Variants in TAPT1 observed in about 807,000 individuals in gnomAD.
TAPT1 encodes the protein transmembrane anterior posterior transformation 1, also known as transmembrane anterior posterior transformation protein 1 homolog.
Under a neutral mutation model 65.6 loss-of-function variants are expected in TAPT1, and 28 were observed. That is an observed-to-expected ratio of 0.43 (90% CI 0.32 to 0.59). TAPT1 has a LOEUF of 0.59. Among genes scored for constraint, TAPT1 ranks in the 20% least tolerant of loss-of-function variants. The pLI is 0.09. For missense variants in TAPT1, 563 were observed against 679.9 expected (o/e 0.83, Z 1.91); for synonymous variants, 278 against 245.2 (o/e 1.13, Z -1.25).
rs189903223 is a variant in TAPT1, at chr4:16,194,380, G to A, written c.450-2857C>T. Among the ~76,000 whole-genome samples, 97 of 152,286 alleles carry A rather than the reference G, an allele frequency of 6.4e-4. 1 individual carries two copies. The highest frequency in any genetic ancestry group is 2.2e-3 in the African/African-American group (90 of 41,570). On this transcript the variant is annotated intron_variant, in intron 3 of 13. Transcript: ENST00000405303. ...AAGGGACAGTCAGGAACATGCCTGT[G>A]GTTGTACAGTGATTAAGTTCCCACA...
rs563281595 is a variant in TAPT1, at chr4:16,216,562, T to C, written c.200-2664A>G. ...TTGCCCACTGATTCAGCACCTCTCC[T>C]GGAGTCCTGACTTCAGTTCCTGGCA... On this transcript the variant is annotated intron_variant, in intron 1 of 13. Coordinates refer to ENST00000405303, the MANE Select transcript of TAPT1 (RefSeq NM_153365.3). Among the ~76,000 whole-genome samples the C allele has an allele frequency of 2.0e-5, 3 of 152,298 alleles. No individual in the cohort carries two copies. In the South Asian group the frequency reaches 6.2e-4, roughly 32 times the overall value.
chr4:16,175,569 T>G (rs539018868), intron 9 of TAPT1, among the ~76,000 whole-genome samples: 48 of 152,298 alleles, frequency 3.2e-4, no homozygotes, highest in African/African-American at 1.1e-3. Flanking sequence ...ATTAGGAAAC[T>G]TTCTTATGTT....
chr4:16,224,776 G>C (rs2108905313), intron 1 of TAPT1, among the ~76,000 whole-genome samples: 1 of 152,324 alleles, frequency 6.6e-6, no homozygotes, highest in East Asian at 1.9e-4. Context: ...TCCAGTCCCA[G>C]AAAAAGCCAG....
chr4:16,213,692 T>C (rs1429668504), intron 2 of TAPT1, 76 bp downstream of exon 2: 11 of 1,307,820 alleles, frequency 8.4e-6, no homozygotes, highest in Non-Finnish European at 1.1e-5. Flanking sequence ...ACTCTAGCTG[T>C]TGACCATTTT....
chr4:16,176,237 A>T lies in TAPT1; in HGVS notation c.998-9T>A, dbSNP rs760433072. 4 of 1,408,548 alleles carry T rather than the reference A, an allele frequency of 2.8e-6. No individual in the cohort carries two copies. Among genetic ancestry groups the T allele is most frequent in the Admixed American group, 4.9e-5 (2 of 41,182 alleles). 87.3% of individuals were successfully genotyped at this position (1,408,548 alleles called of 1,614,324 possible). ...CAACACCCAGAGATGATCTGTAAAT[A>T]GAAAAAAGAAAAACAACGAAATATC... On this transcript the variant is annotated splice_polypyrimidine_tract_variant and intron_variant, in intron 8 of 13. Transcript: ENST00000405303.
Position 16,191,495 on chromosome 4 carries a change from C to T in TAPT1, c.478G>A (p.Val160Met), listed in dbSNP as rs1369235854. The T allele has an allele frequency of 8.3e-6, 13 of 1,562,334 alleles. No individual in the cohort carries two copies. Among genetic ancestry groups the T allele is most frequent in the Non-Finnish European group, 1.1e-5 (13 of 1,152,734 alleles). Residue 160 changes from valine (V) to methionine (M), a missense_variant, in exon 4 of 14, where the codon GTG (valine) becomes ATG (methionine). This residue lies in a region of TAPT1 where 217 missense variants were observed against 317.5 expected (regional missense o/e 0.68). Coordinates refer to ENST00000405303, the MANE Select transcript of TAPT1 (RefSeq NM_153365.3). The part of the protein sequence containing the change: ...RDRRLLQPAQ[V>M]CDILKGVILV... ...ATGACACCCTTCAAAATGTCACACA[C>T]CTGGGCAGGCTGAAGCAAACGTCTG... is the stretch of plus-strand genomic sequence containing the variant.
intron 3 of TAPT1, among the ~76,000 whole-genome samples, chr4:16,194,859 G>GCCCC (rs1749594562): frequency 2.0e-5 from 3 of 147,000 alleles, no homozygotes; most frequent in African/African-American, 5.3e-5. Flanking sequence ...CTTGATTTCT[G>GCCCC]TCTTCTTCTT....
intron 13 of TAPT1, 46 bp downstream of exon 13, chr4:16,166,587 C>T (rs1560148170): frequency 6.3e-7 from 1 of 1,596,498 alleles, no homozygotes; most frequent in Non-Finnish European, 8.6e-7. Context: ...TGTGATTTAA[C>T]TCTTTGAAAA....
At chr4:16,166,835 T>C in intron 12 of TAPT1, 42 bp from the exon 13 acceptor site, 1 of 1,599,926 alleles carries the variant, frequency 6.3e-7, no homozygotes, top group South Asian at 1.1e-5. Flanking sequence ...TTGGAATTCA[T>C]CTAAATCCCT....
At chr4:16,165,462 C>A (rs759736942) in intron 13 of TAPT1, among the ~76,000 whole-genome samples, 1 of 150,640 alleles carries the variant, frequency 6.6e-6, no homozygotes, top group Admixed American at 6.6e-5. Context: ...CCCAGCTACT[C>A]GAGAGGCCGA....
Position 16,188,793 on chromosome 4 carries a change from G to A in TAPT1, c.613-438C>T, listed in dbSNP as rs59526599. 4.5e-3 allele frequency among the ~76,000 whole-genome samples: 678 copies of A among 152,140 alleles called. 2 individuals carry two copies. The highest frequency in any genetic ancestry group is 0.014 in the African/African-American group (596 of 41,512). ...AAATTAGCCGGGCGTGGTGGCAGGC[G>A]CCTGTAGTCCCAGCTACTCGGGAGG... On this transcript the variant is annotated intron_variant, in intron 4 of 13. Transcript: ENST00000405303.
At chr4:16,168,153 G>A (rs73234629) in intron 12 of TAPT1, among the ~76,000 whole-genome samples, 10,769 of 151,230 alleles carry the variant, frequency 0.071, 553 homozygotes, top group Middle Eastern at 0.14. Flanking sequence ...TTGCATTGTC[G>A]CCCAGGCTGT....
chr4:16,219,002 A>C (rs1337339272), intron 1 of TAPT1, among the ~76,000 whole-genome samples: 1 of 152,246 alleles, frequency 6.6e-6, no homozygotes, highest in East Asian at 1.9e-4. Context: ...TTTTAATTAT[A>C]AACACTAGTT....
At position 16,226,448 on chromosome 4, in the gene TAPT1, C is replaced by T; in HGVS notation, c.10G>A (p.Val4Ile). The T allele has an allele frequency of 2.8e-6, 3 of 1,067,268 alleles. No homozygotes were observed. Among genetic ancestry groups the T allele is most frequent in the Non-Finnish European group, 3.4e-6 (3 of 884,572 alleles). 66.1% of individuals were successfully genotyped at this position (1,067,268 alleles called of 1,614,324 possible). Residue 4 changes from valine to isoleucine, a missense_variant, in exon 1 of 14, where the codon GTC (valine) becomes ATC (isoleucine). By Grantham distance (29) the Val-to-Ile change is conservative. Coordinates refer to ENST00000405303, the MANE Select transcript of TAPT1 (RefSeq NM_153365.3). ...TCTCCCGGAGCGGCCGCGTCGCCGA[C>T]GCCCGCCATGTTCCGAGCACAACAA... is the stretch of plus-strand genomic sequence containing the variant. Reference protein sequence around the residue: MAGVGDAAAPGEGG... With the variant: MAGIGDAAAPGEGG...
intron 9 of TAPT1, among the ~76,000 whole-genome samples, chr4:16,175,266 T>G (rs1748251394): frequency 6.6e-6 from 1 of 152,072 alleles, no homozygotes; most frequent in African/African-American, 2.4e-5. Context: ...AAATAAATGA[T>G]CCTATGAAAA....
At chr4:16,206,120 T>C (rs890975558) in intron 2 of TAPT1, among the ~76,000 whole-genome samples, 3 of 152,244 alleles carry the variant, frequency 2.0e-5, no homozygotes, top group African/African-American at 7.2e-5. Context: ...AATAAAATCA[T>C]TTTAATCATC....
At chr4:16,167,039 G>GGTTGGAGT (rs1430933459) in intron 12 of TAPT1, among the ~76,000 whole-genome samples, 1 of 129,870 alleles carries the variant, frequency 7.7e-6, no homozygotes, top group Non-Finnish European at 1.5e-5. Flanking sequence ...CTGTCACCCA[G>GGTTGGAGT]GCTGGAGTGC....
At chr4:16,177,430 G>C (rs1234694038) in intron 8 of TAPT1, among the ~76,000 whole-genome samples, 1 of 152,190 alleles carries the variant, frequency 6.6e-6, no homozygotes, top group Non-Finnish European at 1.5e-5. Flanking sequence ...TCAAGACTCA[G>C]GTAGCCGGAA....
chr4:16,206,701 G>A (rs1216736617), intron 2 of TAPT1, among the ~76,000 whole-genome samples: 1 of 152,176 alleles, frequency 6.6e-6, no homozygotes, highest in Admixed American at 6.5e-5. Flanking sequence ...GATCACAGCA[G>A]CCTGACATAG....
Sources: gnomAD v4.1 joint callset for allele counts (sites outside exome capture counted in the v4.1 genomes callset) on GRCh38, gnomAD v4.1.1 for gene constraint, gnomAD v4.1.1 regional missense constraint, MANE v1.5 for transcripts, NCBI Gene and HGNC (gene_info 2026-07-23, HGNC 2026-07-21) for gene names.